The following PHACTR2 variants were observed in gnomAD, a reference collection of about 807,000 sequenced individuals.
PHACTR2 encodes the protein chromosome 6 open reading frame 56.
In PHACTR2, 30 loss-of-function variants were observed where a neutral mutation model predicts 76.0. That is an observed-to-expected ratio of 0.39 (90% CI 0.30 to 0.54). PHACTR2 has a LOEUF of 0.54. Ranked by LOEUF, PHACTR2 falls within the 20% of genes least tolerant of loss-of-function variation. The pLI is 0.61. For missense variants in PHACTR2, 696 were observed against 781.1 expected, an observed-to-expected ratio of 0.89 and a Z score of 1.30; for synonymous variants, 292 against 292.5, an observed-to-expected ratio of 1.00 and a Z score of 0.02.
At position 143,760,304 on chromosome 6, in the gene PHACTR2, C is replaced by T. The variant is rs1203155010; in HGVS notation, c.455-97C>T. ...TCCATGCTGATTCTCAAGTACCAAG[C>T]AGACACGCTTTGTGTCACTATCGTC... On this transcript the variant is annotated intron_variant, in intron 4 of 12. Transcript: ENST00000440869. This position sits in a 1 kb window ranked among gnomAD's most constrained non-coding sequence, Gnocchi z 6.4. The T allele has an allele frequency of 1.8e-6, 2 of 1,085,004 alleles. No homozygotes were observed. The highest frequency in any genetic ancestry group is 2.7e-6 in the Non-Finnish European group (2 of 749,900). The allele number at this position is 1,085,004 out of a possible 1,614,324, so 67.2% of individuals were successfully genotyped here.
chr6:143,616,023 T>C lies in PHACTR2; in HGVS notation c.13+7701T>C, dbSNP rs1320796369. On this transcript the variant is annotated intron_variant, in intron 1 of 11. Coordinates refer to the PHACTR2 transcript ENST00000305766. This position sits in a 1 kb window ranked among gnomAD's most constrained non-coding sequence, Gnocchi z 4.9. The stretch of plus-strand genomic sequence containing the variant: ...ATCTATGTCAAGAGAAGCCATAGTT[T>C]CAAAGTTTCAGTTTCAGGTTTCAGA... 6.6e-6 allele frequency among the ~76,000 whole-genome samples: 1 copy of C among 152,224 alleles called. No individual in the cohort carries two copies. The highest frequency in any genetic ancestry group is 1.5e-5 in the Non-Finnish European group (1 of 68,034).
At chr6:143,631,469 G>A (rs975260411) in intron 1 of PHACTR2, among the ~76,000 whole-genome samples, 3 of 152,112 alleles carry the variant, frequency 2.0e-5, no homozygotes, top group African/African-American at 7.2e-5. Flanking sequence ...GTTGGGATTA[G>A]ACGCCTGAGC....
rs1015877225 is a variant in PHACTR2, at chr6:143,608,377, A to G, written c.13+55A>G. 5.7e-6 allele frequency: 9 copies of G among 1,579,346 alleles called. No homozygotes were observed. In the African/African-American group the frequency reaches 9.4e-5, roughly 17 times the overall value. On this transcript the variant is annotated intron_variant, in intron 1 of 11. Coordinates refer to the PHACTR2 transcript ENST00000305766. This position sits in a 1 kb window ranked among gnomAD's most constrained non-coding sequence, Gnocchi z 4.6. ...GCTGCTGGCTTCCTTTGCAGCCCGC[A>G]TCCTTTACTGCGGAAGGTTTGCCTA...
intron 1 of PHACTR2, among the ~76,000 whole-genome samples, chr6:143,579,413 A>G (rs1420896281): frequency 1.3e-5 from 2 of 152,206 alleles, no homozygotes; most frequent in African/African-American, 4.8e-5. Context: ...AGTCTTTAGT[A>G]GAAAACAAAA....
rs1434122516 is a variant in PHACTR2 at position 143,647,418 on chromosome 6, G to T, written c.13+39096G>T. ...GCAGTAAATGGAAACCATTTCACAT[G>T]TGTTTATTCATTCACACCTACAGTG... On this transcript the variant is annotated intron_variant, in intron 1 of 11. Transcript: ENST00000305766. The surrounding 1 kb of genome is among the most constrained non-coding windows in gnomAD (Gnocchi z 4.2). Among the ~76,000 whole-genome samples, 1 of 152,214 alleles carries T rather than the reference G, an allele frequency of 6.6e-6. No homozygotes were observed. The highest frequency in any genetic ancestry group is 1.5e-5 in the Non-Finnish European group (1 of 68,040).
In PHACTR2 at chr6:143,707,192, C is replaced by T. The variant is rs530133120; in HGVS notation, c.47-4824C>T. Among the ~76,000 whole-genome samples the T allele has an allele frequency of 3.1e-4, 47 of 152,120 alleles. No homozygotes were observed. The South Asian group carries it at 9.6e-3, about 31-fold the overall frequency. On this transcript the variant is annotated intron_variant, in intron 1 of 12. Transcript: ENST00000440869. ...AATAAAGCACAAAAAAATAACAAAGCCTGGAAACCATATTTTAAGGAAATA... is the reference window on the plus strand; with the variant it reads ...AATAAAGCACAAAAAAATAACAAAGTCTGGAAACCATATTTTAAGGAAATA...
rs1041079700 is a variant in PHACTR2, at chr6:143,753,544, G to A, written c.296-210G>A. Among the ~76,000 whole-genome samples, 1 of 152,120 alleles carries A rather than the reference G, an allele frequency of 6.6e-6. No individual in the cohort carries two copies. On this transcript the variant is annotated intron_variant, in intron 3 of 12. Coordinates refer to ENST00000440869, the MANE Select transcript of PHACTR2 (RefSeq NM_001100164.2). This position sits in a 1 kb window ranked among gnomAD's most constrained non-coding sequence, Gnocchi z 4.6. ...TGATCATTCCTGTTGTCTTGAAATG[G>A]CGCATAGATATTCCCTCCATAGCAG...
In PHACTR2 at chr6:143,771,538, G is replaced by A. The variant is rs369681538; in HGVS notation, c.1233-720G>A. Among the ~76,000 whole-genome samples, 4 of 151,818 alleles carry A rather than the reference G, an allele frequency of 2.6e-5. No homozygotes were observed. The South Asian group carries it at 8.3e-4, about 32-fold the overall frequency. On this transcript the variant is annotated intron_variant, in intron 6 of 12. Transcript: ENST00000440869. ...TGCAACCTCCACCTCCCGGGTTCAA[G>A]CGATTCTCCTGCCTCAGCCTCCCGA...
chr6:143,678,183 C>G lies in PHACTR2; in HGVS notation c.20C>G (p.Ser7Cys). Reference protein sequence around the residue: MGQTSVSTLSPQPGSVD... With the variant: MGQTSVCTLSPQPGSVD... Reference sequence around the variant, plus strand: ...CCAGTCATGGGCCAGACCTCGGTGTCCACGCTGTCCCCGCAGCCCGGCAGC... The same window carrying G: ...CCAGTCATGGGCCAGACCTCGGTGTGCACGCTGTCCCCGCAGCCCGGCAGC... The change falls in exon 1 of 13, where the codon TCC (serine) becomes TGC (cysteine). Residue 7 changes from serine (S) to cysteine (C), a missense_variant. Around this residue, in one of 2 missense-constraint regions of PHACTR2, gnomAD observed 460 missense variants for 450.9 expected, o/e 1.02. Coordinates refer to ENST00000440869, the MANE Select transcript of PHACTR2 (RefSeq NM_001100164.2). This position sits in a 1 kb window ranked among gnomAD's most constrained non-coding sequence, Gnocchi z 6.2. The G allele has an allele frequency of 6.5e-7, 1 of 1,539,320 alleles. No individual in the cohort carries two copies.
In PHACTR2 at chr6:143,765,611, C is replaced by G. The variant is rs765120539; in HGVS notation, c.1045C>G (p.Pro349Ala). The change falls in exon 6 of 13, where the codon CCC (proline) becomes GCC (alanine). Residue 349 changes from proline (P) to alanine (A), a missense_variant. Around this residue, in one of 2 missense-constraint regions of PHACTR2, gnomAD observed 460 missense variants for 450.9 expected, o/e 1.02. Coordinates refer to ENST00000440869, the MANE Select transcript of PHACTR2 (RefSeq NM_001100164.2). This position sits in a 1 kb window ranked among gnomAD's most constrained non-coding sequence, Gnocchi z 4.1. ...PVAPAPSPLA[P>A]PLPLEDQCIT... ...GGCTCCAGCACCTTCTCCTCTGGCC[C>G]CCCCTCTCCCTCTTGAGGATCAGTG... 3 of 1,614,166 alleles carry G rather than the reference C, an allele frequency of 1.9e-6. No homozygotes were observed. In the Admixed American group the frequency reaches 5.0e-5, roughly 27 times the overall value.
At position 143,765,504 on chromosome 6, in the gene PHACTR2, G is replaced by T; in HGVS notation, c.938G>T (p.Ser313Ile). ...KGEPAETRVESFKLEQTVPGA... is the reference protein window; with the variant it reads ...KGEPAETRVEIFKLEQTVPGA... ...GAGCCTGCAGAGACCAGAGTGGAGA[G>T]TTTCAAACTCGAACAGACTGTCCCT... is the stretch of plus-strand genomic sequence containing the variant. The change falls in exon 6 of 13, where the codon AGT (serine) becomes ATT (isoleucine). Residue 313 changes from serine to isoleucine, a missense_variant. Ser to Ile is a moderately radical substitution (Grantham distance 142, BLOSUM62 -2). Coordinates refer to ENST00000440869, the MANE Select transcript of PHACTR2 (RefSeq NM_001100164.2). This position sits in a 1 kb window ranked among gnomAD's most constrained non-coding sequence, Gnocchi z 4.1. 6.2e-7 allele frequency: 1 copy of T among 1,614,248 alleles called. No individual in the cohort carries two copies. Among genetic ancestry groups the T allele is most frequent in the African/African-American group, 1.3e-5 (1 of 75,080 alleles).
intron 1 of PHACTR2, among the ~76,000 whole-genome samples, chr6:143,693,732 T>A (rs960152475): frequency 2.0e-5 from 3 of 152,214 alleles, no homozygotes; most frequent in African/African-American, 7.2e-5. Flanking sequence ...ATATTCATAT[T>A]ACTTGAGTAA....
rs1269726729 is a variant in PHACTR2 at position 143,656,107 on chromosome 6, A to T, written c.13+47785A>T. On this transcript the variant is annotated intron_variant, in intron 1 of 11. Coordinates refer to the PHACTR2 transcript ENST00000305766. This position sits in a 1 kb window ranked among gnomAD's most constrained non-coding sequence, Gnocchi z 5.3. ...GTAAATCGTGGGATAAAATACACTCATTGACTTTCTTCTCCAAGCCAAACT... is the reference window on the plus strand; with the variant it reads ...GTAAATCGTGGGATAAAATACACTCTTTGACTTTCTTCTCCAAGCCAAACT... Among the ~76,000 whole-genome samples the T allele has an allele frequency of 1.3e-5, 2 of 152,196 alleles. No individual in the cohort carries two copies. The highest frequency in any genetic ancestry group is 2.9e-5 in the Non-Finnish European group (2 of 68,034).
intron 11 of PHACTR2, among the ~76,000 whole-genome samples, chr6:143,802,991 C>G (rs1281441646): frequency 6.6e-6 from 1 of 152,136 alleles, no homozygotes; most frequent in Non-Finnish European, 1.5e-5. Context: ...ATTCACATAA[C>G]TGACTCATCA....
rs1776107625 is a variant in PHACTR2, at chr6:143,619,046, A to G, written c.13+10724A>G. Among the ~76,000 whole-genome samples, 1 of 152,132 alleles carries G rather than the reference A, an allele frequency of 6.6e-6. No individual in the cohort carries two copies. Among genetic ancestry groups the G allele is most frequent in the African/African-American group, 2.4e-5 (1 of 41,430 alleles). ...CTACTTATATAGAAACTCTGAATTA[A>G]TTCTTACTGGAATTGAATGCTGTGG... On this transcript the variant is annotated intron_variant, in intron 1 of 11. Coordinates refer to the PHACTR2 transcript ENST00000305766. The surrounding 1 kb of genome is among the most constrained non-coding windows in gnomAD (Gnocchi z 4.5).
chr6:143,579,426 A>G (rs1775548900), intron 1 of PHACTR2, among the ~76,000 whole-genome samples: 1 of 152,184 alleles, frequency 6.6e-6, no homozygotes, highest in Non-Finnish European at 1.5e-5. Context: ...AAACAAAACA[A>G]CAACAACAAC....
chr6:143,595,099 T>C lies in PHACTR2; in HGVS notation c.217+57892T>C, dbSNP rs1253736672. On this transcript the variant is annotated intron_variant, in intron 1 of 11. Transcript: ENST00000367584. This position sits in a 1 kb window ranked among gnomAD's most constrained non-coding sequence, Gnocchi z 4.2. ...GTTTTAGAAGCAAGACAATTTTAGA[T>C]TCTCATAGTAAGAACAAATTTAGAC... is the stretch of plus-strand genomic sequence containing the variant. Among the ~76,000 whole-genome samples, 1 of 152,218 alleles carries C rather than the reference T, an allele frequency of 6.6e-6. No homozygotes were observed. The highest frequency in any genetic ancestry group is 1.9e-4 in the East Asian group (1 of 5,198).
chr6:143,711,866 A>C lies in PHACTR2; in HGVS notation c.47-150A>C, dbSNP rs1262743559. 8.9e-6 allele frequency: 7 copies of C among 782,630 alleles called. No homozygotes were observed. The East Asian group carries it at 1.7e-4, about 19-fold the overall frequency. 48.5% of individuals were successfully genotyped at this position (782,630 alleles called of 1,614,324 possible). A position where few individuals can be genotyped will look rare whatever the true frequency, so the allele number is the denominator to read the frequency against. ...GACTGATTGATATGAGGGAAGTCCT[A>C]CCAGCTGTGAAATGGGACAAATAAA... On this transcript the variant is annotated intron_variant, in intron 1 of 12. Transcript: ENST00000440869.
rs569072344 is a variant in PHACTR2, at chr6:143,544,440, G to A, written c.217+7233G>A. 6.6e-5 allele frequency among the ~76,000 whole-genome samples: 10 copies of A among 152,140 alleles called. No homozygotes were observed. In the East Asian group the frequency reaches 7.7e-4, roughly 12 times the overall value. On this transcript the variant is annotated intron_variant, in intron 1 of 11. Coordinates refer to the PHACTR2 transcript ENST00000367584. ...TCTGGTTATTATCTGTGTAATCTTA[G>A]GACAGATTGACACCTGCCACCTCCC...
Sources: allele counts gnomAD v4.1 joint callset (sites outside exome capture counted in the v4.1 genomes callset), GRCh38; gene constraint gnomAD v4.1.1; regional missense constraint gnomAD v4.1.1; non-coding constraint Gnocchi (gnomAD v3.1); transcripts MANE v1.5; gene names NCBI Gene and HGNC (gene_info 2026-07-23, HGNC 2026-07-21).